The following AKR1C3 variants were observed in gnomAD, a reference collection of about 807,000 sequenced individuals.
AKR1C3 encodes aldo-keto reductase family 1 member C3.
In AKR1C3, 48 loss-of-function variants were observed where a neutral mutation model predicts 43.6. That is an observed-to-expected ratio of 1.10 (90% CI 0.87 to 1.40). The LOEUF (loss-of-function observed/expected upper bound fraction) is 1.40. Ranked by LOEUF, AKR1C3 falls within the 40% of genes most tolerant of loss-of-function variation. The probability of loss-of-function intolerance (pLI) is 0.00; values close to 1 mark genes in which losing one functional copy is unlikely to be tolerated. For synonymous variants in AKR1C3, 162 were observed against 139.6 expected (o/e 1.16, Z -1.13); for missense variants, 482 against 391.2 (o/e 1.23, Z -1.96).
chr10:5,099,608 G>T (rs1839298988), intron 5 of AKR1C3, 159 bp downstream of exon 5: 3 of 1,332,892 alleles, frequency 2.3e-6, no homozygotes, highest in Non-Finnish European at 3.1e-6. Flanking sequence ...TTTCTTGTTT[G>T]TACCCTGCTT....
intron 1 of AKR1C3, among the ~76,000 whole-genome samples, chr10:5,076,998 C>A (rs186983929): frequency 2.0e-5 from 3 of 152,298 alleles, no homozygotes; most frequent in Non-Finnish European, 4.4e-5. Flanking sequence ...TGTTTCAGCA[C>A]CTCATTGGGA....
intron 1 of AKR1C3, chr10:5,077,744 G>A: frequency 8.5e-7 from 1 of 1,170,456 alleles, no homozygotes; most frequent in Non-Finnish European, 1.1e-6. Context: ...AAAAAAAAAG[G>A]TGCAGCTCAC....
intron 1 of AKR1C3, among the ~76,000 whole-genome samples, chr10:5,057,314 A>G (rs1838281931): frequency 1.3e-5 from 2 of 152,132 alleles, no homozygotes; most frequent in African/African-American, 4.8e-5. Context: ...GGCCATGACT[A>G]AGGCTGCAGC....
Position 5,101,413 on chromosome 10 carries a change from G to GA in AKR1C3, c.571-680dup, listed in dbSNP as rs532244708. Among the ~76,000 whole-genome samples, 15 of 151,508 alleles carry GA rather than the reference G, an allele frequency of 9.9e-5. No individual in the cohort carries two copies. In the East Asian group the frequency reaches 2.5e-3, roughly 26 times the overall value. ...CTATTCTTACGTGACATTTTACTATGAAAAAAAATCCTTCACCAAATCAAA... is the reference window on the plus strand; with the variant it reads ...CTATTCTTACGTGACATTTTACTATGAAAAAAAAATCCTTCACCAAATCAAA... On this transcript the variant is annotated intron_variant, in intron 5 of 8. Coordinates refer to ENST00000380554, the MANE Select transcript of AKR1C3 (RefSeq NM_003739.6).
chr10:5,083,867 A>T (rs1204452392), intron 1 of AKR1C3, among the ~76,000 whole-genome samples: 1 of 152,130 alleles, frequency 6.6e-6, no homozygotes, highest in Non-Finnish European at 1.5e-5. Flanking sequence ...TTGGGTGCAT[A>T]AATGTCTTCT....
chr10:5,098,257 CTT>C (rs1296224464), intron 3 of AKR1C3: 3 of 920,640 alleles, frequency 3.3e-6, no homozygotes, highest in Non-Finnish European at 3.9e-6. Context: ...AACTCCAACA[CTT>C]TTTTTTATTA....
chr10:5,074,214 C>T (rs781832724), intron 1 of AKR1C3, among the ~76,000 whole-genome samples: 4 of 152,152 alleles, frequency 2.6e-5, no homozygotes, highest in Non-Finnish European at 5.9e-5. Flanking sequence ...CCAAGCTGTG[C>T]CCCGACCACG....
intron 3 of AKR1C3, among the ~76,000 whole-genome samples, chr10:5,098,582 C>T (rs560186357): frequency 1.2e-4 from 18 of 152,300 alleles, no homozygotes; most frequent in African/African-American, 3.8e-4. Context: ...AGAAAATGGT[C>T]CTTTTCCATG....
intron 1 of AKR1C3, among the ~76,000 whole-genome samples, chr10:5,052,591 C>T (rs1838175077): frequency 6.6e-6 from 1 of 150,994 alleles, no homozygotes; most frequent in South Asian, 2.1e-4. Flanking sequence ...GCTAGAGTGT[C>T]GATTGGTACA....
intron 1 of AKR1C3, among the ~76,000 whole-genome samples, chr10:5,066,260 C>G (rs1346284070): frequency 6.6e-6 from 1 of 152,146 alleles, no homozygotes; most frequent in Non-Finnish European, 1.5e-5. Flanking sequence ...TTGGTTTGGT[C>G]TGTTGAGGCT....
upstream of AKR1C3, chr10:5,094,310 T>A: frequency 2.1e-6 from 2 of 954,164 alleles, no homozygotes; most frequent in Non-Finnish European, 3.2e-6. Context: ...ACTGCCTATG[T>A]ACCTCCTCCT....
intron 1 of AKR1C3, among the ~76,000 whole-genome samples, chr10:5,078,313 T>C (rs1838758079): frequency 6.6e-6 from 1 of 152,126 alleles, no homozygotes; most frequent in South Asian, 2.1e-4. Flanking sequence ...TATGGTGGCA[T>C]GTGCCTGTAG....
At chr10:5,086,524 G>C (rs1020804325) in intron 1 of AKR1C3, among the ~76,000 whole-genome samples, 1 of 151,742 alleles carries the variant, frequency 6.6e-6, no homozygotes, top group Non-Finnish European at 1.5e-5. Flanking sequence ...AGTAGGTGTG[G>C]TGTGGTGCTG....
At chr10:5,094,272 A>G, upstream of AKR1C3, 1 of 535,336 alleles carries the variant, frequency 1.9e-6, no homozygotes, top group Non-Finnish European at 3.3e-6. Flanking sequence ...AATGAACTGA[A>G]TGCAATTTTC....
chr10:5,103,517 A>G (rs1839411518), intron 7 of AKR1C3, among the ~76,000 whole-genome samples: 1 of 152,162 alleles, frequency 6.6e-6, no homozygotes, highest in Admixed American at 6.5e-5. Context: ...AACTTAGTCA[A>G]GTTCTGTTCT....
chr10:5,061,741 C>A (rs1340644354), intron 1 of AKR1C3, among the ~76,000 whole-genome samples: 2 of 152,122 alleles, frequency 1.3e-5, no homozygotes, highest in Non-Finnish European at 2.9e-5. Flanking sequence ...TGATCAGATT[C>A]CCCTAACTAC....
chr10:5,105,792 A>C, intron 8 of AKR1C3, 115 bp downstream of exon 8: 3 of 763,262 alleles, frequency 3.9e-6, no homozygotes, highest in Non-Finnish European at 6.7e-6. Context: ...GTCAGAGGTG[A>C]GACTGGAACT....
At chr10:5,052,263 A>C (rs557006233) in intron 1 of AKR1C3, among the ~76,000 whole-genome samples, 1 of 152,326 alleles carries the variant, frequency 6.6e-6, no homozygotes, top group African/African-American at 2.4e-5. Flanking sequence ...GTGAAGCTGC[A>C]GACCTTCATG....
chr10:5,066,384 G>A (rs183269470), intron 1 of AKR1C3, among the ~76,000 whole-genome samples: 6 of 152,232 alleles, frequency 3.9e-5, no homozygotes, highest in African/African-American at 1.4e-4. Context: ...TAGGGCCTTA[G>A]TGCCACTCTC....
Sources: allele counts gnomAD v4.1 joint callset (sites outside exome capture counted in the v4.1 genomes callset), GRCh38; gene constraint gnomAD v4.1.1; transcripts MANE v1.5; gene names NCBI Gene and HGNC (gene_info 2026-07-23, HGNC 2026-07-21).